CRTAC1: variants seen among roughly 807,000 people sequenced by gnomAD.
CRTAC1 encodes acidic secreted protein in cartilage.
A neutral mutation model predicts 67.8 loss-of-function variants in CRTAC1; 37 were observed. The observed-to-expected ratio is 0.55, with a 90% confidence interval of 0.42 to 0.72. CRTAC1 has a LOEUF of 0.72. Ranked by LOEUF, CRTAC1 falls within the 30% of genes least tolerant of loss-of-function variation. The probability of loss-of-function intolerance (pLI) is 0.00; values close to 1 mark genes in which losing one functional copy is unlikely to be tolerated. For missense variants in CRTAC1, 780 were observed against 931.6 expected (o/e 0.84, Z 2.12); for synonymous variants, 348 against 371.0 (o/e 0.94, Z 0.71).
chr10:97,953,180 T>A (rs1443321186), intron 2 of CRTAC1, among the ~76,000 whole-genome samples: 1 of 152,126 alleles, frequency 6.6e-6, no homozygotes, highest in Admixed American at 6.5e-5. Flanking sequence ...CTGCCCAAGT[T>A]CAGTTCCCAA....
intron 2 of CRTAC1, among the ~76,000 whole-genome samples, chr10:97,999,676 G>A (rs1011107651): frequency 2.0e-5 from 3 of 152,212 alleles, no homozygotes; most frequent in African/African-American, 7.2e-5. Flanking sequence ...CTGACGGCTG[G>A]GTTTGGGCTG....
chr10:97,904,243 C>T (rs1417676884), intron 7 of CRTAC1, among the ~76,000 whole-genome samples: 4 of 151,944 alleles, frequency 2.6e-5, no homozygotes, highest in Non-Finnish European at 4.4e-5. Flanking sequence ...CAGCTGTAGT[C>T]CCTCGTCCCC....
chr10:97,934,844 C>A (rs1282206886), intron 3 of CRTAC1, among the ~76,000 whole-genome samples: 1 of 151,952 alleles, frequency 6.6e-6, no homozygotes, highest in African/African-American at 2.4e-5. Flanking sequence ...TCACAGTGTC[C>A]CTCACCTAGG....
intron 14 of CRTAC1, chr10:97,870,007 A>G (rs2136526783): frequency 6.6e-6 from 1 of 152,168 alleles, no homozygotes; most frequent in East Asian, 1.9e-4. Flanking sequence ...ACACATGAAG[A>G]CTCTTGGAGC....
Position 97,985,504 on chromosome 10 carries a change from T to A in CRTAC1, c.224+25634A>T, listed in dbSNP as rs746660864. ...AGCTTCGTTCTTCTCCTTGTCCTAA[T>A]GAAGAGAGCAGGTGCTCTTCCTGCT... On this transcript the variant is annotated intron_variant, in intron 2 of 14. Transcript: ENST00000370597. Among the ~76,000 whole-genome samples the A allele has an allele frequency of 3.9e-5, 6 of 152,244 alleles. No homozygotes were observed. The East Asian group carries it at 1.2e-3, about 30-fold the overall frequency.
chr10:97,896,471 G>A (rs1350347863), intron 9 of CRTAC1, among the ~76,000 whole-genome samples: 1 of 152,158 alleles, frequency 6.6e-6, no homozygotes, highest in Non-Finnish European at 1.5e-5. Flanking sequence ...ACAAAGTGAG[G>A]CAATGGCAGA....
chr10:97,950,354 A>G (rs2051336021), intron 2 of CRTAC1, among the ~76,000 whole-genome samples: 1 of 151,850 alleles, frequency 6.6e-6, no homozygotes, highest in Admixed American at 6.6e-5. Context: ...TCTTCCACCC[A>G]GTTTGACAGG....
intron 11 of CRTAC1, among the ~76,000 whole-genome samples, chr10:97,890,396 G>A (rs1405303856): frequency 2.6e-5 from 4 of 152,024 alleles, no homozygotes; most frequent in African/African-American, 7.3e-5. Context: ...GGTATGAGCC[G>A]CTGTACCCAG....
At chr10:98,005,891 A>G (rs1183141571) in intron 2 of CRTAC1, among the ~76,000 whole-genome samples, 1 of 152,224 alleles carries the variant, frequency 6.6e-6, no homozygotes, top group Non-Finnish European at 1.5e-5. Context: ...AAGTTTACTG[A>G]CATAGTTGCA....
rs557686693 is a variant in CRTAC1 at position 97,940,126 on chromosome 10, C to T, written c.225-3760G>A. On this transcript the variant is annotated intron_variant, in intron 2 of 14. Transcript: ENST00000370597. ...GGTAGCCTTACCAGAGCAGCCACTG[C>T]GTGCCTAGAATTATGCTAAGTGCTT... is the stretch of plus-strand genomic sequence containing the variant. 7.9e-5 allele frequency among the ~76,000 whole-genome samples: 12 copies of T among 152,312 alleles called. No individual in the cohort carries two copies. The East Asian group carries it at 1.7e-3, about 22-fold the overall frequency.
At chr10:97,912,832 C>A (rs1414286412) in intron 5 of CRTAC1, among the ~76,000 whole-genome samples, 1 of 152,206 alleles carries the variant, frequency 6.6e-6, no homozygotes, top group Non-Finnish European at 1.5e-5. Context: ...TTGAGAAGAT[C>A]TCCAAGATTG....
At chr10:97,989,713 AG>A (rs1564925225) in intron 2 of CRTAC1, among the ~76,000 whole-genome samples, 2 of 152,208 alleles carry the variant, frequency 1.3e-5, no homozygotes, top group Non-Finnish European at 2.9e-5. Flanking sequence ...AGTGCTATGA[AG>A]TAGGCTATTA....
In CRTAC1 at chr10:98,029,921, A is replaced by T. The variant is rs1471362491; in HGVS notation, c.24+528T>A. ...GGGCTGGCTCCCGGAGCTCTCTGCC[A>T]CCCAGCGCTGTGCCCGGGAACTCGG... is the stretch of plus-strand genomic sequence containing the variant. On this transcript the variant is annotated intron_variant, in intron 1 of 14. Transcript: ENST00000370597. This position sits in a 1 kb window ranked among gnomAD's most constrained non-coding sequence, Gnocchi z 4.7. Among the ~76,000 whole-genome samples the T allele has an allele frequency of 1.3e-5, 2 of 152,002 alleles. No homozygotes were observed. The highest frequency in any genetic ancestry group is 2.9e-5 in the Non-Finnish European group (2 of 67,988).
At position 97,865,309 on chromosome 10, in the gene CRTAC1, C is replaced by A. The variant is rs927024310; in HGVS notation, c.*239G>T. On this transcript the variant is annotated 3_prime_UTR_variant, in exon 15 of 15. Coordinates refer to ENST00000370597, the MANE Select transcript of CRTAC1 (RefSeq NM_018058.7). ...GTGTCCTAAGATATGGTCATTAGAC[C>A]CACTGGAATGTAAGCGCCATCAGGG... The A allele has an allele frequency of 2.7e-5, 12 of 443,870 alleles. No individual in the cohort carries two copies. Among genetic ancestry groups the A allele is most frequent in the Non-Finnish European group, 4.3e-5 (11 of 253,032 alleles). The allele number at this position is 443,870 out of a possible 1,614,324, so 27.5% of individuals were successfully genotyped here. A position where few individuals can be genotyped will look rare whatever the true frequency, so the allele number is the denominator to read the frequency against.
intron 11 of CRTAC1, among the ~76,000 whole-genome samples, chr10:97,894,613 G>GTC (rs2050423435): frequency 6.7e-6 from 1 of 148,292 alleles, no homozygotes; most frequent in Non-Finnish European, 1.5e-5. Flanking sequence ...GCCCAGGCTA[G>GTC]TCTCGAACTC....
chr10:97,936,164 C>T lies in CRTAC1; in HGVS notation c.421+6G>A. The T allele has an allele frequency of 1.3e-6, 2 of 1,596,452 alleles. No homozygotes were observed. Among genetic ancestry groups the T allele is most frequent in the African/African-American group, 2.7e-5 (2 of 74,752 alleles). ...AGCAGGAAGAGGCCTGAGCCCCAGC[C>T]CTTACCCGAGAAGGCATTATTGGTG... On this transcript the variant is annotated splice_donor_region_variant and intron_variant, in intron 3 of 14. Coordinates refer to ENST00000370597, the MANE Select transcript of CRTAC1 (RefSeq NM_018058.7).
intron 14 of CRTAC1, chr10:97,870,113 A>C (rs1367307597): frequency 6.6e-6 from 1 of 152,168 alleles, no homozygotes; most frequent in East Asian, 1.9e-4. Context: ...TGTCAACTGG[A>C]AGCATGAAAA....
chr10:97,995,495 G>T (rs1328822684), intron 2 of CRTAC1, among the ~76,000 whole-genome samples: 4 of 152,128 alleles, frequency 2.6e-5, no homozygotes, highest in Non-Finnish European at 5.9e-5. Context: ...ACAAGCTTTG[G>T]ATTTCCTAAG....
chr10:97,926,493 C>T (rs1436672788), intron 3 of CRTAC1, among the ~76,000 whole-genome samples: 5 of 152,170 alleles, frequency 3.3e-5, no homozygotes, highest in African/African-American at 1.2e-4. Flanking sequence ...CAGGAATTTG[C>T]ATATTTTTCC....
Sources: allele counts gnomAD v4.1 joint callset (sites outside exome capture counted in the v4.1 genomes callset), GRCh38; gene constraint gnomAD v4.1.1; non-coding constraint Gnocchi (gnomAD v3.1); transcripts MANE v1.5; gene names NCBI Gene and HGNC (gene_info 2026-07-23, HGNC 2026-07-21).